The following FNBP1 variants were observed in gnomAD, a reference collection of about 807,000 sequenced individuals.
The protein encoded by FNBP1 is formin-binding protein 1.
Under a neutral mutation model 90.6 loss-of-function variants are expected in FNBP1, and 26 were observed. The ratio of observed to expected loss-of-function variants is 0.29; its 90% CI spans 0.21 to 0.40. FNBP1 has a LOEUF of 0.40. Among genes scored for constraint, FNBP1 ranks in the 10% least tolerant of loss-of-function variants. The pLI is 1.00. For synonymous variants in FNBP1, 260 were observed against 265.2 expected, an observed-to-expected ratio of 0.98 and a Z score of 0.19; for missense variants, 635 against 768.0, an observed-to-expected ratio of 0.83 and a Z score of 2.05.
chr9:130,002,872 T>TACACTCCCCCTTGACCTTGACCTC (rs2055069551), intron 1 of FNBP1, among the ~76,000 whole-genome samples: 2 of 152,250 alleles, frequency 1.3e-5, no homozygotes, highest in East Asian at 1.9e-4. Flanking sequence ...ACCTTGACCT[T>TACACTCCCCCTTGACCTTGACCTC]ACACTCCCCC....
rs1240954303 is a variant in FNBP1 at position 129,985,754 on chromosome 9, G to A, written c.141-6380C>T. Among the ~76,000 whole-genome samples, 14 of 152,208 alleles carry A rather than the reference G, an allele frequency of 9.2e-5. No homozygotes were observed. In the East Asian group the frequency reaches 1.5e-3, roughly 17 times the overall value. ...AGGCAGGTGGATCAACTGAGGTTAA[G>A]GAGTTTGAGACCAGCCTGACCAACA... On this transcript the variant is annotated intron_variant, in intron 2 of 16. Coordinates refer to ENST00000446176, the MANE Select transcript of FNBP1 (RefSeq NM_015033.3).
Position 129,889,612 on chromosome 9 carries a change from C to T in FNBP1, c.*927G>A, listed in dbSNP as rs2034944751. The T allele has an allele frequency of 1.3e-5, 3 of 225,184 alleles. No homozygotes were observed. The highest frequency in any genetic ancestry group is 6.7e-5 in the African/African-American group (3 of 44,686). The allele number at this position is 225,184 out of a possible 1,614,324, so 13.9% of individuals were successfully genotyped here. A position where few individuals can be genotyped will look rare whatever the true frequency, so the allele number is the denominator to read the frequency against. ...CAACAACAAAAAAGGAAGTGCTACC[C>T]TTTTCAGATGCTAATCCTGGGGCTC... On this transcript the variant is annotated 3_prime_UTR_variant, in exon 17 of 17. Coordinates refer to ENST00000446176, the MANE Select transcript of FNBP1 (RefSeq NM_015033.3).
chr9:129,948,356 C>CTTTTTTTTTTTTTTTTTTTTTTTTTTT (rs71385491), intron 6 of FNBP1, among the ~76,000 whole-genome samples: 3 of 64,430 alleles, frequency 4.7e-5, no homozygotes, highest in African/African-American at 1.4e-4. Flanking sequence ...ATTTTGGTGT[C>CTTTTTTTTTTTTTTTTTTTTTTTTTTT]TTTTTTTTTT....
intron 1 of FNBP1, among the ~76,000 whole-genome samples, chr9:130,034,855 G>A (rs1168771735): frequency 2.6e-5 from 4 of 152,182 alleles, no homozygotes; most frequent in Non-Finnish European, 5.9e-5. Flanking sequence ...TACTAACACA[G>A]AAGATCCAGT....
intron 1 of FNBP1, among the ~76,000 whole-genome samples, chr9:130,038,819 T>C (rs971972453): frequency 1.2e-4 from 18 of 152,332 alleles, no homozygotes; most frequent in African/African-American, 4.1e-4. Flanking sequence ...GAGAGGATAC[T>C]AGGAGGCAGC....
upstream of FNBP1, among the ~76,000 whole-genome samples, chr9:130,047,200 A>G (rs533013418): frequency 1.3e-5 from 2 of 152,328 alleles, no homozygotes; most frequent in Non-Finnish European, 2.9e-5. Context: ...ATAAAAATTA[A>G]AAGAACACTA....
intron 2 of FNBP1, among the ~76,000 whole-genome samples, chr9:129,979,703 G>A (rs1041774217): frequency 6.6e-5 from 10 of 152,004 alleles, no homozygotes; most frequent in Non-Finnish European, 1.2e-4. Context: ...GCGGTAGCGT[G>A]ATCTCAGCTC....
intron 13 of FNBP1, among the ~76,000 whole-genome samples, chr9:129,901,434 G>A (rs2036916490): frequency 6.6e-6 from 1 of 152,112 alleles, no homozygotes; most frequent in Non-Finnish European, 1.5e-5. Context: ...CTACTCGGGA[G>A]GCTGAGGCAC....
chr9:130,038,611 G>A (rs1470404184), intron 1 of FNBP1, among the ~76,000 whole-genome samples: 1 of 151,976 alleles, frequency 6.6e-6, no homozygotes, highest in Non-Finnish European at 1.5e-5. Flanking sequence ...TGGTCCGGCT[G>A]GTCTCAAACT....
rs529683146 is a variant in FNBP1, at chr9:129,890,288, A to T, written c.*251T>A. On this transcript the variant is annotated 3_prime_UTR_variant, in exon 17 of 17. Coordinates refer to ENST00000446176, the MANE Select transcript of FNBP1 (RefSeq NM_015033.3). The surrounding 1 kb of genome is among the most constrained non-coding windows in gnomAD (Gnocchi z 5.8). The stretch of plus-strand genomic sequence containing the variant: ...TCTCAGTGGCCTGCGCGGGGTGGGG[A>T]GGGGGAGCGATGAGGACTGACCCGA... The T allele has an allele frequency of 5.6e-4, 276 of 493,956 alleles. 1 individual carries two copies. The East Asian group carries it at 8.1e-3, about 15-fold the overall frequency. 30.6% of individuals were successfully genotyped at this position (493,956 alleles called of 1,614,324 possible).
chr9:129,980,284 C>T (rs867723740), intron 2 of FNBP1, among the ~76,000 whole-genome samples: 1 of 150,096 alleles, frequency 6.7e-6, no homozygotes, highest in African/African-American at 2.5e-5. Context: ...CGCTTGAACC[C>T]GGGAGGAGGA....
chr9:129,921,263 TCTTTA>T (rs1012561890), intron 10 of FNBP1, among the ~76,000 whole-genome samples: 22 of 152,196 alleles, frequency 1.4e-4, no homozygotes, highest in African/African-American at 5.1e-4. Flanking sequence ...GAATTTACAT[TCTTTA>T]CTTTTTTTTT....
chr9:129,971,109 T>C (rs1349174533), intron 4 of FNBP1, among the ~76,000 whole-genome samples: 1 of 151,940 alleles, frequency 6.6e-6, no homozygotes, highest in African/African-American at 2.4e-5. Context: ...GTCAGGCTGG[T>C]CTGGAACTCC....
chr9:129,891,128 C>T (rs918113389), intron 16 of FNBP1, among the ~76,000 whole-genome samples: 1 of 146,640 alleles, frequency 6.8e-6, no homozygotes, highest in Admixed American at 7.1e-5. Context: ...GCACTCCAGC[C>T]TGGACAACAG....
At chr9:129,922,278 A>G (rs1310698871) in intron 10 of FNBP1, among the ~76,000 whole-genome samples, 1 of 152,266 alleles carries the variant, frequency 6.6e-6, no homozygotes. Context: ...TGGTATCTAC[A>G]TTGGATGGCT....
chr9:130,007,259 A>AG (rs1241565115), intron 1 of FNBP1, among the ~76,000 whole-genome samples: 171 of 143,168 alleles, frequency 1.2e-3, no homozygotes, highest in African/African-American at 3.8e-3. Flanking sequence ...AAAAAAAAAG[A>AG]AAAAAAAAAA....
At chr9:130,004,670 C>T (rs2055389940) in intron 1 of FNBP1, among the ~76,000 whole-genome samples, 1 of 152,150 alleles carries the variant, frequency 6.6e-6, no homozygotes. Context: ...TAGATTTACT[C>T]AAAGAGTAAC....
rs551593929 is a variant in FNBP1 at position 129,961,875 on chromosome 9, C to T, written c.346-3322G>A. 1.0e-3 allele frequency among the ~76,000 whole-genome samples: 154 copies of T among 152,302 alleles called. 1 individual carries two copies. The Middle Eastern group carries it at 0.01, about 10-fold the overall frequency. ...TGCTGGGATTACAGGCGTGAGCCAC[C>T]GTGCCCGGCCCCTAAATCTTTTAGT... On this transcript the variant is annotated intron_variant, in intron 4 of 16. Transcript: ENST00000446176.
rs146929123 is a variant in FNBP1, at chr9:129,982,136, T to C, written c.141-2762A>G. Among the ~76,000 whole-genome samples the C allele has an allele frequency of 6.3e-3, 962 of 152,302 alleles. 3 individuals carry two copies. Among genetic ancestry groups the C allele is most frequent in the East Asian group, 0.013 (66 of 5,182 alleles). On this transcript the variant is annotated intron_variant, in intron 2 of 16. Coordinates refer to ENST00000446176, the MANE Select transcript of FNBP1 (RefSeq NM_015033.3). Reference sequence around the variant, plus strand: ...GCACAGTACAGGTCTTTGAGTTGGATTATGATCACAATCACTTCTTAAAAA... The same window carrying C: ...GCACAGTACAGGTCTTTGAGTTGGACTATGATCACAATCACTTCTTAAAAA...
Sources: allele counts gnomAD v4.1 joint callset (sites outside exome capture counted in the v4.1 genomes callset), GRCh38; gene constraint gnomAD v4.1.1; non-coding constraint Gnocchi (gnomAD v3.1); transcripts MANE v1.5; gene names NCBI Gene and HGNC (gene_info 2026-07-23, HGNC 2026-07-21).